The following DDHD1 variants were observed in gnomAD, a reference collection of about 807,000 sequenced individuals.
DDHD1 encodes DDHD domain containing 1.
Under a neutral mutation model 96.4 loss-of-function variants are expected in DDHD1, and 49 were observed. That is an observed-to-expected ratio of 0.51 (90% CI 0.40 to 0.64). The LOEUF is 0.64. DDHD1 is among the 30% of genes least tolerant of loss of function. The pLI is 0.00. For missense variants in DDHD1, 1,106 were observed against 1,161.2 expected (o/e 0.95, Z 0.69); for synonymous variants, 442 against 446.5 (o/e 0.99, Z 0.13).
At position 53,109,117 on chromosome 14, in the gene DDHD1, C is replaced by T. The variant is rs185868686; in HGVS notation, c.839-5261G>A. On this transcript the variant is annotated intron_variant, in intron 1 of 12. Coordinates refer to ENST00000673822, the MANE Select transcript of DDHD1 (RefSeq NM_001160148.2). ...AGTTGTTGGGTGGGGGTTGGGTTGCCGTGCCTTGTTTCTCTTTCATTTCTC... is the reference window on the plus strand; with the variant it reads ...AGTTGTTGGGTGGGGGTTGGGTTGCTGTGCCTTGTTTCTCTTTCATTTCTC... Among the ~76,000 whole-genome samples the T allele has an allele frequency of 1.2e-3, 175 of 152,124 alleles. 3 individuals carry two copies. Among genetic ancestry groups the T allele is most frequent in the South Asian group, 4.2e-4 (2 of 4,814 alleles).
chr14:53,087,226 C>T (rs12891950), intron 4 of DDHD1, among the ~76,000 whole-genome samples: 110,924 of 151,748 alleles, frequency 0.73, 43,420 homozygotes, highest in East Asian at 0.96. Context: ...ACTTTAACAA[C>T]CCACTGTCAA....
At chr14:53,051,790 C>CT in intron 12 of DDHD1, 54 bp downstream of exon 12, 1 of 1,429,988 alleles carries the variant, frequency 7.0e-7, no homozygotes, top group Non-Finnish European at 9.6e-7. Context: ...CAGAAGAACT[C>CT]TAAGTAGATC....
intron 4 of DDHD1, among the ~76,000 whole-genome samples, chr14:53,079,182 A>T (rs1463185660): frequency 6.6e-6 from 1 of 152,080 alleles, no homozygotes; most frequent in Non-Finnish European, 1.5e-5. Flanking sequence ...TGATGCTTTC[A>T]TTGGTTTTTG....
In DDHD1 at chr14:53,041,754, T is replaced by G. The variant is rs2139788801; in HGVS notation, c.*5014A>C. 1 of 152,300 alleles carries G rather than the reference T, an allele frequency of 6.6e-6. No homozygotes were observed. The highest frequency in any genetic ancestry group is 2.4e-5 in the African/African-American group (1 of 41,566). The allele number at this position is 152,300 out of a possible 1,614,324, so 9.4% of individuals were successfully genotyped here. ...GCATAAACGGAAGTCTGTCCAGACC[T>G]GATAGGGTACTCTTATGAGAGTCTG... On this transcript the variant is annotated 3_prime_UTR_variant, in exon 13 of 13. Coordinates refer to ENST00000673822, the MANE Select transcript of DDHD1 (RefSeq NM_001160148.2).
Position 53,150,264 on chromosome 14 carries a change from ACT to A in DDHD1, c.838+1995_838+1996del, listed in dbSNP as rs1401717096. 5.9e-5 allele frequency among the ~76,000 whole-genome samples: 9 copies of A among 151,654 alleles called. No individual in the cohort carries two copies. In the East Asian group the frequency reaches 1.7e-3, roughly 29 times the overall value. On this transcript the variant is annotated intron_variant, in intron 1 of 12. Transcript: ENST00000673822. ...TGCTTCATTAAATTCATCCTGTAAG[ACT>A]CTGTCTTAAATTTTCTGGGACGCTT...
intron 5 of DDHD1, 114 bp downstream of exon 5, chr14:53,073,623 CAATT>C: frequency 2.8e-6 from 2 of 724,728 alleles, no homozygotes; most frequent in Non-Finnish European, 4.6e-6. Flanking sequence ...TATCTCAAGA[CAATT>C]AAATTGAAGA....
intron 1 of DDHD1, among the ~76,000 whole-genome samples, chr14:53,119,282 CATA>C (rs1378127040): frequency 6.6e-6 from 1 of 152,242 alleles, no homozygotes; most frequent in South Asian, 2.1e-4. Flanking sequence ...TAGCTAGCAT[CATA>C]ATGACAGGAT....
chr14:53,137,020 C>T (rs1566600306), intron 1 of DDHD1, among the ~76,000 whole-genome samples: 1 of 152,040 alleles, frequency 6.6e-6, no homozygotes, highest in Non-Finnish European at 1.5e-5. Context: ...ACAACCATTC[C>T]TCACTCCCTA....
chr14:53,135,977 G>C (rs1377729179), intron 1 of DDHD1, among the ~76,000 whole-genome samples: 1 of 152,172 alleles, frequency 6.6e-6, no homozygotes, highest in African/African-American at 2.4e-5. Flanking sequence ...TGAAGCAACT[G>C]AAGATCCACA....
rs1714106391 is a variant in DDHD1, at chr14:53,101,464, T to C, written c.1012+2219A>G. ...GAATCTTATATGCCACAGTACATTA[T>C]AAAAACAAATTTTCTTCTAATGAAC... On this transcript the variant is annotated intron_variant, in intron 2 of 12. Transcript: ENST00000673822. Among the ~76,000 whole-genome samples, 5 of 152,198 alleles carry C rather than the reference T, an allele frequency of 3.3e-5. No homozygotes were observed. In the South Asian group the frequency reaches 1.0e-3, roughly 32 times the overall value.
rs1883716048 is a variant in DDHD1 at position 53,062,938 on chromosome 14, T to C, written c.1766+5A>G. ...AAAATTTTTCAAAAGATGAGGATAT[T>C]TTACCGTCGTTTAGTTATATAGAGT... On this transcript the variant is annotated splice_donor_5th_base_variant and intron_variant, in intron 7 of 12. Transcript: ENST00000673822. 1 of 1,607,332 alleles carries C rather than the reference T, an allele frequency of 6.2e-7. No homozygotes were observed. Among genetic ancestry groups the C allele is most frequent in the East Asian group, 2.2e-5 (1 of 44,760 alleles).
intron 12 of DDHD1, among the ~76,000 whole-genome samples, chr14:53,047,216 A>G (rs577313856): frequency 4.6e-5 from 7 of 152,324 alleles, no homozygotes; most frequent in African/African-American, 1.7e-4. Flanking sequence ...TTGGCATATC[A>G]CAGAATATTT....
intron 7 of DDHD1, among the ~76,000 whole-genome samples, chr14:53,062,153 T>G (rs979898098): frequency 5.3e-5 from 8 of 152,104 alleles, no homozygotes; most frequent in African/African-American, 1.7e-4. Context: ...ACATGACATT[T>G]TATTTCAAAC....
intron 2 of DDHD1, among the ~76,000 whole-genome samples, chr14:53,095,278 T>C (rs370699881): frequency 1.2e-4 from 18 of 152,226 alleles, no homozygotes; most frequent in African/African-American, 4.3e-4. Flanking sequence ...CCATTTTACT[T>C]ACAAAAATAC....
intron 4 of DDHD1, among the ~76,000 whole-genome samples, chr14:53,075,609 C>A (rs2152492): frequency 0.87 from 132,768 of 152,194 alleles, 57,988 homozygotes; most frequent in East Asian, 0.98. Flanking sequence ...CAAAATAATC[C>A]ATGAAGGTTG....
chr14:53,067,003 C>A (rs1487861115), intron 6 of DDHD1, among the ~76,000 whole-genome samples: 2 of 151,440 alleles, frequency 1.3e-5, no homozygotes, highest in African/African-American at 4.9e-5. Context: ...TTAGGAAGCA[C>A]CCCTTTTGTT....
chr14:53,064,941 T>C (rs1883895238), intron 6 of DDHD1, among the ~76,000 whole-genome samples: 1 of 152,140 alleles, frequency 6.6e-6, no homozygotes, highest in South Asian at 2.1e-4. Flanking sequence ...TCCTTTTCCT[T>C]CTCCTTTCTG....
chr14:53,094,133 C>T (rs112993858), intron 2 of DDHD1, among the ~76,000 whole-genome samples: 330 of 151,310 alleles, frequency 2.2e-3, no homozygotes, highest in African/African-American at 7.6e-3. Context: ...GCCGAGATCA[C>T]GCCACTGCAC....
intron 12 of DDHD1, chr14:53,048,965 A>G (rs1313206510): frequency 2.0e-5 from 3 of 152,156 alleles, no homozygotes; most frequent in Non-Finnish European, 4.4e-5. Context: ...GCCACTTCAT[A>G]ATGTTTTCCT....
Sources: gnomAD v4.1 joint callset for allele counts (sites outside exome capture counted in the v4.1 genomes callset) on GRCh38, gnomAD v4.1.1 for gene constraint, MANE v1.5 for transcripts, NCBI Gene and HGNC (gene_info 2026-07-23, HGNC 2026-07-21) for gene names.